The following RGS5 variants were observed in gnomAD, a reference collection of about 807,000 sequenced individuals.
RGS5 encodes regulator of G-protein signalling 5.
In RGS5, 20 loss-of-function variants were observed where a neutral mutation model predicts 18.9. That is an observed-to-expected ratio of 1.06 (90% CI 0.74 to 1.54). The LOEUF is 1.54. Among genes scored for constraint, RGS5 ranks in the 40% most tolerant of loss-of-function variants. RGS5 has a pLI of 0.00. For missense variants in RGS5, 201 were observed against 211.8 expected (o/e 0.95, Z 0.32); for synonymous variants, 57 against 76.2 (o/e 0.75, Z 1.31).
At chr1:163,161,800 C>CA (rs1657808204) in intron 3 of RGS5, 115 bp downstream of exon 3, 1 of 783,812 alleles carries the variant, frequency 1.3e-6, no homozygotes. Flanking sequence ...ATATCACCTT[C>CA]AAAAATTGAA....
chr1:163,149,588 AAT>A (rs1557878842), intron 4 of RGS5, among the ~76,000 whole-genome samples: 1 of 152,204 alleles, frequency 6.6e-6, no homozygotes, highest in Admixed American at 6.5e-5. Flanking sequence ...ATCCAGAAAC[AAT>A]ATCATTTCAT....
intron 1 of RGS5, among the ~76,000 whole-genome samples, chr1:163,192,524 T>C (rs1659400371): frequency 6.6e-6 from 1 of 152,196 alleles, no homozygotes; most frequent in Non-Finnish European, 1.5e-5. Context: ...TCAATCTACG[T>C]TCATCTTTGT....
At chr1:163,238,688 T>G (rs1571311544) in intron 2 of RGS5, 1 of 277,822 alleles carries the variant, frequency 3.6e-6, no homozygotes, top group East Asian at 1.0e-4. Context: ...GGTAACCATG[T>G]AAATCATTTG....
chr1:163,201,892 A>G (rs1659783934), intron 1 of RGS5, among the ~76,000 whole-genome samples: 1 of 152,140 alleles, frequency 6.6e-6, no homozygotes, highest in African/African-American at 2.4e-5. Flanking sequence ...ACCCAATTTA[A>G]TCAAATCCAT....
intron 2 of RGS5, among the ~76,000 whole-genome samples, chr1:163,261,167 C>T (rs1005538674): frequency 4.9e-4 from 74 of 152,272 alleles, no homozygotes; most frequent in African/African-American, 1.7e-3. Flanking sequence ...CTTCTTTCCC[C>T]AGTTTGAATC....
At chr1:163,211,207 C>CT (rs1229394439) in intron 1 of RGS5, 2 of 151,910 alleles carry the variant, frequency 1.3e-5, no homozygotes, top group Admixed American at 1.3e-4. Context: ...GCAAAGATTT[C>CT]TTTTTTCAGG....
At chr1:163,244,354 A>G (rs1037176141) in intron 2 of RGS5, among the ~76,000 whole-genome samples, 1 of 152,180 alleles carries the variant, frequency 6.6e-6, no homozygotes, top group African/African-American at 2.4e-5. Context: ...AAGTTTCACT[A>G]TATACTTATT....
In RGS5 at chr1:163,152,642, C is replaced by A; in HGVS notation, c.292G>T (p.Glu98Ter). 1 of 1,612,924 alleles carries A rather than the reference C, an allele frequency of 6.2e-7. No individual in the cohort carries two copies. The highest frequency in any genetic ancestry group is 8.5e-7 in the Non-Finnish European group (1 of 1,179,344). Residue 98 changes from glutamate (E) to a stop codon, truncating the protein, a stop_gained, in exon 4 of 5, where the codon GAG becomes TAG. Coordinates refer to ENST00000313961, the MANE Select transcript of RGS5 (RefSeq NM_003617.4). LOFTEE classifies it high-confidence loss of function. ...GGGGACTTGATCTTCTTGTAATCCT[C>A]ACAGGCAATCCAGAACTCAAGGTTT... The part of the protein sequence containing the change: ...EENLEFWIAC[E>*]DYKKIKSPAK...
At chr1:163,193,288 C>G (rs1659430689) in intron 1 of RGS5, among the ~76,000 whole-genome samples, 1 of 152,262 alleles carries the variant, frequency 6.6e-6, no homozygotes. Flanking sequence ...GTCTTAGCCT[C>G]ATTTACTATT....
chr1:163,301,757 G>A (rs1313317122), intron 2 of RGS5, among the ~76,000 whole-genome samples: 1 of 152,182 alleles, frequency 6.6e-6, no homozygotes, highest in Non-Finnish European at 1.5e-5. Context: ...GGATCCGTGA[G>A]ACTCCCTGGT....
At chr1:163,219,264 C>T (rs576359039), upstream of RGS5, among the ~76,000 whole-genome samples, 100 of 152,232 alleles carry the variant, frequency 6.6e-4, no homozygotes, top group African/African-American at 2.3e-3. Context: ...CCCTCTTTGT[C>T]CTATTCCCGT....
chr1:163,273,765 C>T (rs772856340), intron 2 of RGS5, among the ~76,000 whole-genome samples: 1 of 152,088 alleles, frequency 6.6e-6, no homozygotes. Flanking sequence ...GAATATAAGA[C>T]ATTTCAGATA....
intron 2 of RGS5, chr1:163,259,871 GGAGGTACT>G (rs3830458): frequency 0.053 from 7,967 of 151,554 alleles, 233 homozygotes; most frequent in South Asian, 0.095. Context: ...AGGTGGAGAA[GGAGGTACT>G]GAGGTACTGA....
intron 1 of RGS5, chr1:163,319,147 T>C (rs1650111828): frequency 6.6e-6 from 1 of 152,158 alleles, no homozygotes; most frequent in South Asian, 2.1e-4. Flanking sequence ...AAGAGATTTG[T>C]TTAAAGCACT....
intron 1 of RGS5, among the ~76,000 whole-genome samples, chr1:163,185,471 A>T (rs1659029683): frequency 6.6e-6 from 1 of 152,176 alleles, no homozygotes; most frequent in African/African-American, 2.4e-5. Flanking sequence ...ATCATATTCC[A>T]TCAAGAGTCC....
chr1:163,293,661 CT>C (rs1332067671), intron 2 of RGS5, among the ~76,000 whole-genome samples: 3 of 152,188 alleles, frequency 2.0e-5, no homozygotes, highest in African/African-American at 7.2e-5. Flanking sequence ...CTGCCAAAGT[CT>C]TAACTCATTC....
intron 1 of RGS5, chr1:163,212,283 C>T (rs973846262): frequency 6.6e-5 from 10 of 152,104 alleles, no homozygotes; most frequent in African/African-American, 2.4e-4. Context: ...AAATAGGGAA[C>T]ATGTTTTATT....
Position 163,145,371 on chromosome 1 carries a change from T to TTCTG in RGS5, c.*1967_*1970dup, listed in dbSNP as rs1657091080. ...CACCAAGATTTTGGATTTCTAACAT[T>TTCTG]TCTGGCTGTATGAGAGAGTAAAGGG... On this transcript the variant is annotated 3_prime_UTR_variant, in exon 5 of 5. Coordinates refer to ENST00000313961, the MANE Select transcript of RGS5 (RefSeq NM_003617.4). 6.6e-6 allele frequency: 1 copy of TTCTG among 152,198 alleles called. No individual in the cohort carries two copies. The highest frequency in any genetic ancestry group is 1.5e-5 in the Non-Finnish European group (1 of 68,030). 9.4% of individuals were successfully genotyped at this position (152,198 alleles called of 1,614,324 possible). A position where few individuals can be genotyped will look rare whatever the true frequency, so the allele number is the denominator to read the frequency against.
At chr1:163,196,083 G>A (rs1475395695) in intron 1 of RGS5, among the ~76,000 whole-genome samples, 1 of 152,100 alleles carries the variant, frequency 6.6e-6, no homozygotes, top group Non-Finnish European at 1.5e-5. Flanking sequence ...CCTGAATCCT[G>A]TAATCTTAAG....
Sources: gnomAD v4.1 joint callset for allele counts (sites outside exome capture counted in the v4.1 genomes callset) on GRCh38, gnomAD v4.1.1 for gene constraint, MANE v1.5 for transcripts, NCBI Gene and HGNC (gene_info 2026-07-23, HGNC 2026-07-21) for gene names.